The following MDN1 variants were observed in gnomAD, a reference collection of about 807,000 sequenced individuals.
MDN1 encodes midasin.
A neutral mutation model predicts 669.2 loss-of-function variants in MDN1; 266 were observed. That is an observed-to-expected ratio of 0.40 (90% CI 0.36 to 0.44). The LOEUF (loss-of-function observed/expected upper bound fraction) is 0.44, where lower values mean the gene tolerates loss of function less well. Ranked by LOEUF, MDN1 falls within the 20% of genes least tolerant of loss-of-function variation. MDN1 has a pLI of 1.00. For missense variants in MDN1, 5,940 were observed against 6,754.0 expected (o/e 0.88, Z 4.22); for synonymous variants, 2,385 against 2,457.1 (o/e 0.97, Z 0.87).
intron 53 of MDN1, among the ~76,000 whole-genome samples, chr6:89,704,110 G>T (rs1813364590): frequency 1.3e-5 from 2 of 152,094 alleles, no homozygotes; most frequent in African/African-American, 4.8e-5. Flanking sequence ...GCCAGGAACA[G>T]TGGCTCATGC....
chr6:89,732,716 C>T lies in MDN1; in HGVS notation c.4783G>A (p.Gly1595Ser). 3 of 1,614,066 alleles carry T rather than the reference C, an allele frequency of 1.9e-6. No individual in the cohort carries two copies. Among genetic ancestry groups the T allele is most frequent in the Non-Finnish European group, 2.5e-6 (3 of 1,179,992 alleles). ...FIDWLTHQEF[G>S]RKCVVSIRDI... ...CTGATACTGACCACACACTTTCTGC[C>T]AAACTCTTGGTGGGTCAGCCAGTCA... The change falls in exon 34 of 102, where the codon GGC becomes AGC. Residue 1595 changes from glycine to serine, a missense_variant. Gly to Ser is a moderately conservative substitution (Grantham distance 56). Around this residue, in one of 5 missense-constraint regions of MDN1, gnomAD observed 2,292 missense variants for 2,638.3 expected, o/e 0.87. Transcript: ENST00000369393.
chr6:89,746,343 G>C (rs557879515), intron 27 of MDN1, among the ~76,000 whole-genome samples: 1 of 152,090 alleles, frequency 6.6e-6, no homozygotes, highest in Non-Finnish European at 1.5e-5. Context: ...CCAGCACTTT[G>C]GGAGGCTGAG....
At position 89,718,673 on chromosome 6, in the gene MDN1, C is replaced by G. The variant is rs369327010; in HGVS notation, c.6322-46G>C. The G allele has an allele frequency of 2.7e-4, 427 of 1,608,158 alleles. 4 individuals are homozygous for G. Among genetic ancestry groups the G allele is most frequent in the Middle Eastern group, 1.5e-3 (9 of 6,050 alleles). Reference sequence around the variant, plus strand: ...GAACTCATCATAGGGTCAGAGAATACTGTTATCTGTACTCATCACCAACTC... The same window carrying G: ...GAACTCATCATAGGGTCAGAGAATAGTGTTATCTGTACTCATCACCAACTC... On this transcript the variant is annotated intron_variant, in intron 42 of 101. Coordinates refer to ENST00000369393, the MANE Select transcript of MDN1 (RefSeq NM_014611.3).
chr6:89,750,438 T>C lies in MDN1; in HGVS notation c.3322A>G (p.Ile1108Val), dbSNP rs1173214527. The change falls in exon 24 of 102, where the codon ATT (isoleucine) becomes GTT (valine). Residue 1108 changes from isoleucine (I) to valine (V), a missense_variant. Ile to Val is a conservative substitution (Grantham distance 29). Transcript: ENST00000369393. ...AAATGNHCVR[I>V]NNHEHTDIQE... ...ATATCCGTGTGTTCGTGATTATTAA[T>C]ACGCACACAGTGGTTGCCAGTAGCT... The C allele has an allele frequency of 2.5e-6, 4 of 1,613,788 alleles. No homozygotes were observed. The highest frequency in any genetic ancestry group is 1.3e-5 in the African/African-American group (1 of 74,928).
chr6:89,680,460 T>C (rs1811531306), intron 74 of MDN1, 129 bp downstream of exon 74: 3 of 1,120,922 alleles, frequency 2.7e-6, no homozygotes, highest in East Asian at 5.4e-5. Context: ...TAAGCCCACT[T>C]GCTTATTCAA....
chr6:89,674,940 ATCCAT>A, intron 78 of MDN1, among the ~76,000 whole-genome samples: 1 of 152,226 alleles, frequency 6.6e-6, no homozygotes, highest in Non-Finnish European at 1.5e-5. Context: ...TCAGCCACGA[ATCCAT>A]TCAACAGATG....
chr6:89,683,333 G>A lies in MDN1; in HGVS notation c.11904-3C>T, dbSNP rs1053298678. ...TCTTCATGAATTTAAAGAGTGTCCT[G>A]TCCCCAGGTAATGACAGAGATAAGA... On this transcript the variant is annotated splice_polypyrimidine_tract_variant and splice_region_variant and intron_variant, in intron 72 of 101. Coordinates refer to ENST00000369393, the MANE Select transcript of MDN1 (RefSeq NM_014611.3). 1.7e-5 allele frequency: 28 copies of A among 1,613,372 alleles called. No homozygotes were observed. Among genetic ancestry groups the A allele is most frequent in the Non-Finnish European group, 2.4e-5 (28 of 1,179,716 alleles).
chr6:89,810,736 G>A (rs1049574760), intron 1 of MDN1, among the ~76,000 whole-genome samples: 4 of 151,982 alleles, frequency 2.6e-5, no homozygotes, highest in African/African-American at 9.7e-5. Flanking sequence ...GGTGGCTCAC[G>A]GCTGTAATTC....
intron 2 of MDN1, among the ~76,000 whole-genome samples, chr6:89,798,433 C>T (rs562815118): frequency 4.3e-4 from 65 of 151,528 alleles, no homozygotes; most frequent in Admixed American, 1.5e-3. Flanking sequence ...ACCTGGGAGG[C>T]GGAGGTTGCG....
Position 89,789,862 on chromosome 6 carries a change from C to G in MDN1, c.1148G>C (p.Trp383Ser). ...TGCCTGTGTCAGGGTGCCAGGCTGC[C>G]ACACAAACTCTCCAGGAACATCTGT... ...RCTDVPGEFVWQPGTLTQAAT... is the reference protein window; with the variant it reads ...RCTDVPGEFVSQPGTLTQAAT... Residue 383 changes from tryptophan (W) to serine (S), a missense_variant, in exon 7 of 102, where the codon TGG (tryptophan) becomes TCG (serine). By Grantham distance (177) the Trp-to-Ser change is radical. Transcript: ENST00000369393. The G allele has an allele frequency of 6.2e-7, 1 of 1,614,056 alleles. No individual in the cohort carries two copies. Among genetic ancestry groups the G allele is most frequent in the South Asian group, 1.1e-5 (1 of 91,058 alleles).
intron 31 of MDN1, 61 bp downstream of exon 31, chr6:89,743,089 G>C (rs930884510): frequency 1.6e-6 from 2 of 1,234,376 alleles, no homozygotes; most frequent in Non-Finnish European, 2.2e-6. Flanking sequence ...GTCTCAGGGA[G>C]AAAAAAAAAA....
Position 89,668,107 on chromosome 6 carries a change from C to G in MDN1, c.14001G>C (p.Glu4667Asp). 1 of 1,614,150 alleles carries G rather than the reference C, an allele frequency of 6.2e-7. No homozygotes were observed. ...CATAGTCATGGAACTCAGTTGCTCC[C>G]TCTCCAGCTGAATCTTCCATAAATT... ...PKEFMEDSAG[E>D]GATEFHDYEG... Residue 4667 changes from glutamate to aspartate, a missense_variant, in exon 84 of 102, where the codon GAG (glutamate) becomes GAC (aspartate). By Grantham distance (45) the Glu-to-Asp change is conservative. Coordinates refer to ENST00000369393, the MANE Select transcript of MDN1 (RefSeq NM_014611.3).
chr6:89,804,267 C>A (rs1767871848), intron 1 of MDN1, among the ~76,000 whole-genome samples: 1 of 151,928 alleles, frequency 6.6e-6, no homozygotes, highest in African/African-American at 2.4e-5. Context: ...AGAGACGAGT[C>A]CTGGGTTGGA....
intron 13 of MDN1, among the ~76,000 whole-genome samples, chr6:89,773,557 A>G (rs941534864): frequency 2.0e-5 from 3 of 149,326 alleles, no homozygotes; most frequent in African/African-American, 7.5e-5. Flanking sequence ...AAAAAAAAAG[A>G]AGAGAAGAAA....
intron 39 of MDN1, 62 bp from the exon 40 acceptor site, chr6:89,723,205 T>G: frequency 6.8e-7 from 1 of 1,471,708 alleles, no homozygotes; most frequent in Admixed American, 1.8e-5. Context: ...CTGCATTAAG[T>G]ACTAGGAATG....
At position 89,761,690 on chromosome 6, in the gene MDN1, T is replaced by C. The variant is rs1039958505; in HGVS notation, c.2415A>G (p.Gln805=). 2 of 1,612,868 alleles carry C rather than the reference T, an allele frequency of 1.2e-6. No homozygotes were observed. The highest frequency in any genetic ancestry group is 1.7e-6 in the Non-Finnish European group (2 of 1,179,492). The change falls in exon 17 of 102, where the codon CAA becomes CAG. Residue 805 remains glutamine, a synonymous_variant. Transcript: ENST00000369393. The part of the protein sequence containing the change: ...AFGLRLNHAQ[Q]QMKMTENTLL... ...AGGTATTTTCAGTCATTTTCATCTG[T>C]TGTTGGGCATGGTTGAGTCTAAGAC...
intron 48 of MDN1, 136 bp downstream of exon 48, chr6:89,712,439 T>C (rs1022652927): frequency 4.7e-5 from 48 of 1,025,740 alleles, no homozygotes; most frequent in Non-Finnish European, 6.7e-5. Flanking sequence ...AATATCACAA[T>C]GAACAATAAA....
At chr6:89,723,384 A>G in intron 39 of MDN1, 128 bp downstream of exon 39, 1 of 701,602 alleles carries the variant, frequency 1.4e-6, no homozygotes, top group Non-Finnish European at 2.3e-6. Context: ...TTCCACTAGA[A>G]ACCTGTAGAA....
chr6:89,658,587 A>G lies in MDN1; in HGVS notation c.15021+23T>C, dbSNP rs764022586. The G allele has an allele frequency of 2.5e-6, 4 of 1,585,700 alleles. No homozygotes were observed. In the Admixed American group the frequency reaches 7.2e-5, roughly 28 times the overall value. On this transcript the variant is annotated intron_variant, in intron 89 of 101. Transcript: ENST00000369393. ...CCTCTTCCTCATTATTTTTAACATA[A>G]AAAGCCAGACATCTCATGATACCTG...
Sources: gnomAD v4.1 joint callset for allele counts (sites outside exome capture counted in the v4.1 genomes callset) on GRCh38, gnomAD v4.1.1 for gene constraint, gnomAD v4.1.1 regional missense constraint, MANE v1.5 for transcripts, NCBI Gene and HGNC (gene_info 2026-07-23, HGNC 2026-07-21) for gene names.